Variants in RGL1 observed in about 807,000 individuals in gnomAD.
RGL1 encodes ral guanine nucleotide dissociation stimulator like 1, also known as ral guanine nucleotide dissociation stimulator-like 1.
RGL1 carries 24 observed loss-of-function variants against 95.2 expected under a neutral mutation model. The observed-to-expected ratio is 0.25, with a 90% CI of 0.18 to 0.35. The LOEUF (loss-of-function observed/expected upper bound fraction) is 0.35. Ranked by LOEUF, RGL1 falls within the 10% of genes least tolerant of loss-of-function variation. RGL1 has a pLI of 1.00. For synonymous variants in RGL1, 329 were observed against 344.9 expected (o/e 0.95, Z 0.51); for missense variants, 715 against 936.3 (o/e 0.76, Z 3.08).
At chr1:183,865,807 A>C (rs769030082) in intron 3 of RGL1, among the ~76,000 whole-genome samples, 189 bp from the exon 4 acceptor site, 2 of 152,262 alleles carry the variant, frequency 1.3e-5, no homozygotes, top group Non-Finnish European at 2.9e-5. Context: ...TTTTCTGTTT[A>C]GAATATGCAG....
upstream of RGL1, among the ~76,000 whole-genome samples, chr1:183,802,815 C>T (rs2102405690): frequency 6.6e-6 from 1 of 152,276 alleles, no homozygotes. Context: ...ACAAAACATT[C>T]CTGATCTTTT....
In RGL1 at chr1:183,816,947, GA is replaced by G. The variant is rs140069137; in HGVS notation, c.138+10471del. ...GCTTCTGTTTGTAGATTGGTTGTGG[GA>G]AAAAAAAACCCCATACTCACAGGAT... is the stretch of plus-strand genomic sequence containing the variant. On this transcript the variant is annotated intron_variant, in intron 2 of 17. Transcript: ENST00000360851. Among the ~76,000 whole-genome samples the G allele has an allele frequency of 2.8e-4, 42 of 151,072 alleles. 1 individual carries two copies. The South Asian group carries it at 4.4e-3, about 16-fold the overall frequency.
chr1:183,897,258 G>C (rs1000150748), intron 9 of RGL1, among the ~76,000 whole-genome samples: 17 of 152,184 alleles, frequency 1.1e-4, no homozygotes, highest in African/African-American at 4.1e-4. Context: ...GGCCAGGTGT[G>C]GTGGCTGGCT....
intron 1 of RGL1, among the ~76,000 whole-genome samples, chr1:183,641,387 G>A (rs967471482): frequency 6.6e-6 from 1 of 152,092 alleles, no homozygotes; most frequent in African/African-American, 2.4e-5. Context: ...TGCCAGCCTC[G>A]GCCTCTCACA....
At position 183,883,778 on chromosome 1, in the gene RGL1, G is replaced by A. The variant is rs200101372; in HGVS notation, c.611-8G>A. The stretch of plus-strand genomic sequence containing the variant: ...GCCAAATTACTAATCTTTTCCATAT[G>A]TGAACAGATGGGCTTCCCAACACGA... On this transcript the variant is annotated splice_region_variant and splice_polypyrimidine_tract_variant and intron_variant, in intron 5 of 17. Coordinates refer to ENST00000360851, the MANE Select transcript of RGL1 (RefSeq NM_001297671.3). 9.3e-5 allele frequency: 150 copies of A among 1,613,794 alleles called. No homozygotes were observed. In the East Asian group the frequency reaches 1.9e-3, roughly 21 times the overall value.
At chr1:183,876,394 G>T (rs950205548) in intron 4 of RGL1, among the ~76,000 whole-genome samples, 1 of 152,228 alleles carries the variant, frequency 6.6e-6, no homozygotes, top group South Asian at 2.1e-4. Flanking sequence ...AATGCCTGAG[G>T]TAGAAAACTC....
At chr1:183,720,266 T>G (rs559516456) in intron 1 of RGL1, among the ~76,000 whole-genome samples, 187 of 152,294 alleles carry the variant, frequency 1.2e-3, no homozygotes, top group African/African-American at 4.0e-3. Flanking sequence ...AGTAAAAAGA[T>G]AGCTTGAAAG....
At chr1:183,886,403 T>A (rs1004054181) in intron 7 of RGL1, among the ~76,000 whole-genome samples, 4 of 152,024 alleles carry the variant, frequency 2.6e-5, no homozygotes, top group South Asian at 2.1e-4. Flanking sequence ...AGGAATTATT[T>A]TTTTTTTTGC....
intron 1 of RGL1, among the ~76,000 whole-genome samples, chr1:183,659,077 C>G (rs1159051488): frequency 6.6e-6 from 1 of 151,598 alleles, no homozygotes; most frequent in Non-Finnish European, 1.5e-5. Context: ...CATCAAAGAC[C>G]AAAAGTAGAT....
At chr1:183,658,981 C>T (rs1246991949) in intron 1 of RGL1, among the ~76,000 whole-genome samples, 1 of 151,890 alleles carries the variant, frequency 6.6e-6, no homozygotes, top group Non-Finnish European at 1.5e-5. Flanking sequence ...CTCCAACAGA[C>T]CTGCAGCTGA....
At chr1:183,788,626 G>A (rs1297706722) in intron 2 of RGL1, among the ~76,000 whole-genome samples, 1 of 152,076 alleles carries the variant, frequency 6.6e-6, no homozygotes, top group African/African-American at 2.4e-5. Flanking sequence ...TTCTGTTGAG[G>A]TCACTAAAAT....
intron 2 of RGL1, among the ~76,000 whole-genome samples, chr1:183,773,459 C>T (rs1195566857): frequency 1.3e-5 from 2 of 152,108 alleles, no homozygotes; most frequent in African/African-American, 4.8e-5. Context: ...GTGTTTCGCC[C>T]TGAGATGAGC....
chr1:183,750,147 A>C (rs1657902271), intron 2 of RGL1, among the ~76,000 whole-genome samples: 1 of 152,136 alleles, frequency 6.6e-6, no homozygotes, highest in South Asian at 2.1e-4. Flanking sequence ...AATATCCTGA[A>C]GTGTGTTTTC....
chr1:183,860,866 A>G (rs567023273), intron 3 of RGL1, among the ~76,000 whole-genome samples: 22 of 152,318 alleles, frequency 1.4e-4, no homozygotes, highest in African/African-American at 4.3e-4. Context: ...TCCTTAGTAA[A>G]TAATCCTCAT....
intron 3 of RGL1, among the ~76,000 whole-genome samples, chr1:183,851,785 T>C (rs965774307): frequency 3.3e-5 from 5 of 152,348 alleles, no homozygotes; most frequent in African/African-American, 1.2e-4. Context: ...CACTTAGATC[T>C]TGAGCCAGGC....
intron 1 of RGL1, among the ~76,000 whole-genome samples, chr1:183,659,294 A>G (rs1651433732): frequency 6.6e-6 from 1 of 152,228 alleles, no homozygotes; most frequent in African/African-American, 2.4e-5. Flanking sequence ...AAGGCAAAGA[A>G]GTTGAAAACT....
intron 11 of RGL1, among the ~76,000 whole-genome samples, chr1:183,901,230 C>T (rs915527708): frequency 2.6e-5 from 4 of 151,964 alleles, no homozygotes; most frequent in South Asian, 2.1e-4. Context: ...ACCCGAGAGG[C>T]GGAGGTTGCA....
intron 1 of RGL1, among the ~76,000 whole-genome samples, chr1:183,734,979 G>A (rs1047988477): frequency 1.3e-5 from 2 of 152,172 alleles, no homozygotes; most frequent in Non-Finnish European, 2.9e-5. Flanking sequence ...CCTCTGTGCC[G>A]AGCAGGGATT....
intron 1 of RGL1, among the ~76,000 whole-genome samples, chr1:183,660,998 T>G (rs1651578384): frequency 6.6e-6 from 1 of 152,152 alleles, no homozygotes; most frequent in Non-Finnish European, 1.5e-5. Flanking sequence ...AAAGATGTTC[T>G]TTGAAACCAA....
Sources: gnomAD v4.1 joint callset for allele counts (sites outside exome capture counted in the v4.1 genomes callset) on GRCh38, gnomAD v4.1.1 for gene constraint, MANE v1.5 for transcripts, NCBI Gene and HGNC (gene_info 2026-07-23, HGNC 2026-07-21) for gene names.